The following SMARCD3 variants were observed in gnomAD, a reference collection of about 807,000 sequenced individuals.
SMARCD3 encodes SWI/SNF-related matrix-associated actin-dependent regulator of chromatin subfamily D member 3.
Under a neutral mutation model 58.0 loss-of-function variants are expected in SMARCD3, and 14 were observed. The observed-to-expected ratio is 0.24, with a 90% CI of 0.16 to 0.38. SMARCD3 has a LOEUF of 0.38. SMARCD3 is among the 10% of genes least tolerant of loss of function. The pLI is 1.00. For missense variants in SMARCD3, 408 were observed against 636.9 expected, an observed-to-expected ratio of 0.64 and a Z score of 3.87; for synonymous variants, 253 against 253.8, an observed-to-expected ratio of 1.00 and a Z score of 0.03.
rs759493292 is a variant in SMARCD3, at chr7:151,239,103, C to CT, written c.1451dup (p.Ter484=). 4.3e-6 allele frequency: 7 copies of CT among 1,614,130 alleles called. No homozygotes were observed. The African/African-American group carries it at 6.7e-5, about 15-fold the overall frequency. Residue 484 remains the stop codon, a frameshift_variant and stop_retained_variant, in exon 13 of 13, where the codon TAG becomes TAAG. Transcript: ENST00000262188. LOFTEE classifies it high-confidence loss of function. This position sits in a 1 kb window ranked among gnomAD's most constrained non-coding sequence, Gnocchi z 7.0. ...LEQSLVVRNT[*] ...CGTCGTGCTGCTTATTTTTGGGCTC[C>CT]TAGGTGTTGCGCACAACCAGCGACT...
chr7:151,242,849 G>C lies in SMARCD3; in HGVS notation c.334-6C>G. 6.2e-7 allele frequency: 1 copy of C among 1,614,122 alleles called. No homozygotes were observed. Among genetic ancestry groups the C allele is most frequent in the Non-Finnish European group, 8.5e-7 (1 of 1,179,980 alleles). On this transcript the variant is annotated splice_polypyrimidine_tract_variant and splice_region_variant and intron_variant, in intron 3 of 12. Transcript: ENST00000262188. This position sits in a 1 kb window ranked among gnomAD's most constrained non-coding sequence, Gnocchi z 4.7. ...TCGGGGACCAGCTCCCGAATCTGGA[G>C]AAGGAGGAGCAGGGCAGGAGTCAGA...
intron 2 of SMARCD3, among the ~76,000 whole-genome samples, chr7:151,259,413 G>GTGTGTA (rs1262860821): frequency 6.7e-6 from 1 of 149,188 alleles, no homozygotes; most frequent in Non-Finnish European, 1.5e-5. Flanking sequence ...GTGTGTGTAT[G>GTGTGTA]TGTGTGTGTG....
intron 2 of SMARCD3, among the ~76,000 whole-genome samples, chr7:151,266,710 T>G (rs985196313): frequency 3.3e-5 from 5 of 152,262 alleles, no homozygotes; most frequent in East Asian, 1.9e-4. Context: ...TATGGGAGGT[T>G]TTTTTTGTTT....
rs1802923128 is a variant in SMARCD3 at position 151,240,469 on chromosome 7, G to A, written c.993C>T (p.Ala331=). The A allele has an allele frequency of 3.1e-6, 5 of 1,613,960 alleles. No homozygotes were observed. The South Asian group carries it at 3.3e-5, about 11-fold the overall frequency. Residue 331 remains alanine, a synonymous_variant, in exon 9 of 13, where the codon GCC becomes GCT. Transcript: ENST00000262188. ...CAATTGGGTCAGGGGGCAATAGCAG[G>A]GCTGTGAGGCGCTGGGGAATCTCAG... is the stretch of plus-strand genomic sequence containing the variant. ...KFSEIPQRLT[A]LLLPPDPIVI...
At chr7:151,275,402 C>T in intron 1 of SMARCD3, 1 of 552,870 alleles carries the variant, frequency 1.8e-6, no homozygotes, top group Non-Finnish European at 3.3e-6. Flanking sequence ...CCAGCATGGG[C>T]CAGCTGGGGC....
intron 2 of SMARCD3, among the ~76,000 whole-genome samples, chr7:151,267,111 C>T (rs1028879550): frequency 5.3e-5 from 8 of 152,200 alleles, no homozygotes; most frequent in Admixed American, 3.3e-4. Context: ...TTTACCCGCA[C>T]ACCACTGCAT....
Position 151,239,871 on chromosome 7 carries a change from C to T in SMARCD3, c.1174-125G>A. 9.3e-7 allele frequency: 1 copy of T among 1,077,382 alleles called. No individual in the cohort carries two copies. The highest frequency in any genetic ancestry group is 1.3e-6 in the Non-Finnish European group (1 of 744,474). 66.7% of individuals were successfully genotyped at this position (1,077,382 alleles called of 1,614,324 possible). A position where few individuals can be genotyped will look rare whatever the true frequency, so the allele number is the denominator to read the frequency against. On this transcript the variant is annotated intron_variant, in intron 10 of 12. Transcript: ENST00000262188. The surrounding 1 kb of genome is among the most constrained non-coding windows in gnomAD (Gnocchi z 7.0). ...TGTGAAGGACAACCCCTCAGAGCCC[C>T]TGATTTCTCTGAAGTCCCAGGGGAG...
rs183843494 is a variant in SMARCD3 at position 151,255,638 on chromosome 7, C to T, written c.40-9967G>A. Among the ~76,000 whole-genome samples, 4 of 152,230 alleles carry T rather than the reference C, an allele frequency of 2.6e-5. No individual in the cohort carries two copies. The East Asian group carries it at 7.7e-4, about 29-fold the overall frequency. On this transcript the variant is annotated intron_variant, in intron 2 of 13. Coordinates refer to the SMARCD3 transcript ENST00000356800. ...TCATCTCTTAGATCACTGCAGCAAC[C>T]GCAGCCCCCCACTTTCAGTCCCATG...
chr7:151,251,349 A>G (rs1393911039), upstream of SMARCD3, among the ~76,000 whole-genome samples: 1 of 152,160 alleles, frequency 6.6e-6, no homozygotes, highest in African/African-American at 2.4e-5. Flanking sequence ...CAATACAAGC[A>G]CCAAAAGGTC....
chr7:151,267,390 C>G (rs1229861531), intron 2 of SMARCD3, among the ~76,000 whole-genome samples: 1 of 152,188 alleles, frequency 6.6e-6, no homozygotes, highest in East Asian at 1.9e-4. Flanking sequence ...GCTCAAACTC[C>G]TGTTTTCTGA....
At position 151,239,366 on chromosome 7, in the gene SMARCD3, G is replaced by T; in HGVS notation, c.1398+30C>A. ...AGGTTTCTCTTGGAGTTGAGGATGG[G>T]GAAGCCTCAGGGCAAGGGTCCCTGC... is the stretch of plus-strand genomic sequence containing the variant. On this transcript the variant is annotated intron_variant, in intron 12 of 12. Coordinates refer to ENST00000262188, the MANE Select transcript of SMARCD3 (RefSeq NM_001003801.2). The surrounding 1 kb of genome is among the most constrained non-coding windows in gnomAD (Gnocchi z 7.0). 6.4e-7 allele frequency: 1 copy of T among 1,556,328 alleles called. No individual in the cohort carries two copies.
At chr7:151,240,347 G>A in intron 9 of SMARCD3, 78 bp downstream of exon 9, 1 of 1,596,338 alleles carries the variant, frequency 6.3e-7, no homozygotes, top group South Asian at 1.1e-5. Flanking sequence ...AGAGATGGGA[G>A]TGGGAGGAGA....
chr7:151,272,105 T>C (rs1164768735), intron 2 of SMARCD3, among the ~76,000 whole-genome samples: 2 of 152,224 alleles, frequency 1.3e-5, no homozygotes, highest in Non-Finnish European at 2.9e-5. Flanking sequence ...TAGGAAGCAG[T>C]TGTGACATTG....
chr7:151,242,571 G>A lies in SMARCD3; in HGVS notation c.489C>T (p.Asn163=). ...CATCAGGCTTCGCAGGGTTAAAAGTGTTGGAGATATAGAGTCGCAGCTTCC... is the reference window on the plus strand; with the variant it reads ...CATCAGGCTTCGCAGGGTTAAAAGTATTGGAGATATAGAGTCGCAGCTTCC... ...QKRKLRLYIS[N]TFNPAKPDAE... is the part of the protein sequence containing the mutation. The change falls in exon 5 of 13, where the codon AAC becomes AAT. Residue 163 remains asparagine (N), a synonymous_variant. Coordinates refer to ENST00000262188, the MANE Select transcript of SMARCD3 (RefSeq NM_001003801.2). The surrounding 1 kb of genome is among the most constrained non-coding windows in gnomAD (Gnocchi z 4.7). 6.2e-7 allele frequency: 1 copy of A among 1,614,066 alleles called. No homozygotes were observed.
intron 2 of SMARCD3, among the ~76,000 whole-genome samples, chr7:151,244,928 C>G (rs1803181738): frequency 6.6e-6 from 1 of 152,150 alleles, no homozygotes; most frequent in African/African-American, 2.4e-5. Context: ...GCCAGAGTGC[C>G]TAAGAATTAA....
At position 151,238,916 on chromosome 7, in the gene SMARCD3, C is replaced by T; in HGVS notation, c.*187G>A. The T allele has an allele frequency of 9.3e-7, 1 of 1,074,114 alleles. No homozygotes were observed. The highest frequency in any genetic ancestry group is 1.4e-6 in the Non-Finnish European group (1 of 733,938). 66.5% of individuals were successfully genotyped at this position (1,074,114 alleles called of 1,614,324 possible). A position where few individuals can be genotyped will look rare whatever the true frequency, so the allele number is the denominator to read the frequency against. ...GAGGGACCCACTGCCTCCCCACCTT[C>T]TTCCCTTCCCCTTCTCTCCCCCTCC... On this transcript the variant is annotated 3_prime_UTR_variant, in exon 13 of 13. Transcript: ENST00000262188.
chr7:151,257,981 G>C (rs1803758039), intron 2 of SMARCD3, among the ~76,000 whole-genome samples: 1 of 152,068 alleles, frequency 6.6e-6, no homozygotes, highest in Non-Finnish European at 1.5e-5. Context: ...GCTCAAACAT[G>C]GTCGGTCCAA....
At chr7:151,267,904 G>A (rs575213306) in intron 2 of SMARCD3, among the ~76,000 whole-genome samples, 3 of 152,330 alleles carry the variant, frequency 2.0e-5, no homozygotes, top group African/African-American at 7.2e-5. Context: ...CTGAGCCCAG[G>A]ATGTTGAGGC....
At chr7:151,247,112 C>T (rs1320782719) in intron 1 of SMARCD3, among the ~76,000 whole-genome samples, 4 of 152,194 alleles carry the variant, frequency 2.6e-5, no homozygotes, top group Non-Finnish European at 5.9e-5. Context: ...CTCACCCCAC[C>T]TGACCCTGTC....
Sources: gnomAD v4.1 joint callset for allele counts (sites outside exome capture counted in the v4.1 genomes callset) on GRCh38, gnomAD v4.1.1 for gene constraint, Gnocchi (gnomAD v3.1) non-coding constraint, MANE v1.5 for transcripts, NCBI Gene and HGNC (gene_info 2026-07-23, HGNC 2026-07-21) for gene names.